MDGA2: variants seen among roughly 807,000 people sequenced by gnomAD.
MDGA2 encodes the protein MAM domain containing glycosylphosphatidylinositol anchor 2.
MDGA2 carries 40 observed loss-of-function variants against 117.8 expected under a neutral mutation model. That is an observed-to-expected ratio of 0.34 (90% confidence interval 0.26 to 0.44). MDGA2 has a LOEUF of 0.44. Among genes scored for constraint, MDGA2 ranks in the 20% least tolerant of loss-of-function variants. The pLI, the probability that MDGA2 is intolerant of heterozygous loss-of-function variation, is 1.00. For missense variants in MDGA2, 1,123 were observed against 1,250.6 expected (o/e 0.90, Z 1.54); for synonymous variants, 452 against 439.0 (o/e 1.03, Z -0.37).
intron 3 of MDGA2, chr14:47,201,004 A>G (rs1885485333): frequency 4.6e-6 from 4 of 875,656 alleles, no homozygotes; most frequent in Non-Finnish European, 5.9e-6. Context: ...GCATACGACC[A>G]CCACTTTCCT....
chr14:47,050,460 A>T (rs1168657364), intron 7 of MDGA2, among the ~76,000 whole-genome samples: 1 of 152,018 alleles, frequency 6.6e-6, no homozygotes, highest in African/African-American at 2.4e-5. Context: ...TTTGGTGTTG[A>T]CATGGGTGTT....
At chr14:47,162,491 T>C (rs1196206901) in intron 3 of MDGA2, among the ~76,000 whole-genome samples, 4 of 152,268 alleles carry the variant, frequency 2.6e-5, no homozygotes, top group South Asian at 2.1e-4. Context: ...AACTCTGATA[T>C]AAATCCTTTT....
intron 10 of MDGA2, among the ~76,000 whole-genome samples, chr14:46,892,810 A>G (rs1181355326): frequency 6.6e-6 from 1 of 151,954 alleles, no homozygotes; most frequent in Non-Finnish European, 1.5e-5. Flanking sequence ...ATTAAATATC[A>G]TCTTACATCT....
At chr14:47,046,448 G>C (rs1889267864) in intron 7 of MDGA2, among the ~76,000 whole-genome samples, 1 of 151,630 alleles carries the variant, frequency 6.6e-6, no homozygotes, top group Admixed American at 6.6e-5. Context: ...ACCAGGGCCT[G>C]TCATGGGGTT....
At chr14:47,264,323 ACT>A (rs1348297742) in intron 2 of MDGA2, among the ~76,000 whole-genome samples, 1 of 152,188 alleles carries the variant, frequency 6.6e-6, no homozygotes, top group Non-Finnish European at 1.5e-5. Context: ...GAGCCAAACT[ACT>A]AAAATTCATA....
intron 1 of MDGA2, among the ~76,000 whole-genome samples, chr14:47,612,005 G>A (rs867376570): frequency 2.6e-5 from 4 of 152,106 alleles, no homozygotes; most frequent in Middle Eastern, 3.2e-3. Context: ...AGATACCACA[G>A]AATCACAAGT....
intron 8 of MDGA2, among the ~76,000 whole-genome samples, chr14:47,002,086 C>T (rs1887551205): frequency 6.6e-6 from 1 of 151,982 alleles, no homozygotes; most frequent in African/African-American, 2.4e-5. Context: ...GTAAACAGGA[C>T]TGGTGGGCAC....
intron 2 of MDGA2, among the ~76,000 whole-genome samples, chr14:47,236,353 T>C (rs1316844040): frequency 1.3e-5 from 2 of 151,762 alleles, no homozygotes; most frequent in East Asian, 3.9e-4. Context: ...ACAAGATACT[T>C]TTCCAAGACC....
chr14:46,882,155 T>G lies in MDGA2; in HGVS notation c.2305A>C (p.Ile769Leu), dbSNP rs1197732717. 2 of 1,612,744 alleles carry G rather than the reference T, an allele frequency of 1.2e-6. No homozygotes were observed. The highest frequency in any genetic ancestry group is 1.7e-6 in the Non-Finnish European group (2 of 1,179,236). The part of the protein sequence containing the change: ...INGNIQKGEL[I>L]TYNLTELIKP... Reference sequence around the variant, plus strand: ...ATTAGCTCTGTCAAGTTATATGTAATTAATTCTCCCTTTTGAATATTCCCA... The same window carrying G: ...ATTAGCTCTGTCAAGTTATATGTAAGTAATTCTCCCTTTTGAATATTCCCA... The change falls in exon 11 of 17, where the codon ATT (isoleucine) becomes CTT (leucine). Residue 769 changes from isoleucine to leucine, a missense_variant. Ile to Leu is a conservative substitution (Grantham distance 5). Coordinates refer to ENST00000399232, the MANE Select transcript of MDGA2 (RefSeq NM_001113498.3).
At chr14:47,071,313 G>T (rs1165840424) in intron 6 of MDGA2, among the ~76,000 whole-genome samples, 1 of 152,114 alleles carries the variant, frequency 6.6e-6, no homozygotes, top group African/African-American at 2.4e-5. Context: ...TGCCCTGCAG[G>T]TATAGAGTTT....
At chr14:47,093,000 A>T (rs1023456045) in intron 6 of MDGA2, among the ~76,000 whole-genome samples, 3 of 152,020 alleles carry the variant, frequency 2.0e-5, no homozygotes, top group Non-Finnish European at 4.4e-5. Flanking sequence ...TCACCAAGGA[A>T]TTGGGGAAGC....
chr14:47,609,379 T>G (rs1400845861), intron 1 of MDGA2, among the ~76,000 whole-genome samples: 6 of 136,026 alleles, frequency 4.4e-5, no homozygotes, highest in Admixed American at 7.7e-5. Flanking sequence ...TCCAGGTCAC[T>G]GTAAATGCTG....
chr14:46,847,962 TAGAG>T (rs1403780700), intron 15 of MDGA2, among the ~76,000 whole-genome samples: 4 of 152,034 alleles, frequency 2.6e-5, no homozygotes, highest in African/African-American at 9.7e-5. Context: ...CCTTACCTGA[TAGAG>T]AGTCAATGTT....
intron 3 of MDGA2, among the ~76,000 whole-genome samples, chr14:47,177,266 A>G (rs1443207784): frequency 1.3e-5 from 2 of 151,986 alleles, no homozygotes; most frequent in Admixed American, 6.5e-5. Context: ...ATCTAGAACT[A>G]GAAATACCAT....
intron 1 of MDGA2, among the ~76,000 whole-genome samples, chr14:47,449,554 T>C (rs1310560976): frequency 6.6e-6 from 1 of 152,132 alleles, no homozygotes; most frequent in Non-Finnish European, 1.5e-5. Flanking sequence ...TTAAATTACA[T>C]AGATTTGACA....
chr14:47,026,270 T>A (rs536013078), intron 8 of MDGA2, among the ~76,000 whole-genome samples: 105 of 152,282 alleles, frequency 6.9e-4, no homozygotes, highest in Admixed American at 3.6e-3. Context: ...GGAAGTTATG[T>A]CTTTCTCTCA....
chr14:46,881,009 A>AACACACAC (rs72117373), intron 11 of MDGA2, among the ~76,000 whole-genome samples: 5,138 of 145,626 alleles, frequency 0.035, 181 homozygotes, highest in East Asian at 0.13. Context: ...AACTATCACT[A>AACACACAC]ACACACACAC....
chr14:47,097,675 A>T (rs943204786), intron 5 of MDGA2, among the ~76,000 whole-genome samples: 1 of 152,016 alleles, frequency 6.6e-6, no homozygotes, highest in African/African-American at 2.4e-5. Flanking sequence ...AAATAAAATC[A>T]TCTAATTCTA....
chr14:47,299,080 AACAAT>A lies in MDGA2; in HGVS notation c.420+2326_420+2330del, dbSNP rs1594781470. Reference sequence around the variant, plus strand: ...AGGAATAAAAAAATATTGATACCAAAACAATACATTTTTCTTAGGATCAAAACACC... The same window carrying A: ...AGGAATAAAAAAATATTGATACCAAAACATTTTTCTTAGGATCAAAACACC... On this transcript the variant is annotated intron_variant, in intron 2 of 16. Coordinates refer to ENST00000399232, the MANE Select transcript of MDGA2 (RefSeq NM_001113498.3). 4.6e-5 allele frequency among the ~76,000 whole-genome samples: 7 copies of A among 152,330 alleles called. No individual in the cohort carries two copies. In the East Asian group the frequency reaches 1.4e-3, roughly 29 times the overall value.
Sources: allele counts gnomAD v4.1 joint callset (sites outside exome capture counted in the v4.1 genomes callset), GRCh38; gene constraint gnomAD v4.1.1; transcripts MANE v1.5; gene names NCBI Gene and HGNC (gene_info 2026-07-23, HGNC 2026-07-21).